The following ABCD2 variants were observed in gnomAD, a reference collection of about 807,000 sequenced individuals.
The protein encoded by ABCD2 is ATP binding cassette subfamily D member 2.
A neutral mutation model predicts 70.9 loss-of-function variants in ABCD2; 36 were observed. The ratio of observed to expected loss-of-function variants is 0.51; its 90% CI spans 0.39 to 0.67. The LOEUF (loss-of-function observed/expected upper bound fraction) is 0.67. ABCD2 is among the 30% of genes least tolerant of loss of function. ABCD2 has a pLI of 0.00. For synonymous variants in ABCD2, 304 were observed against 306.9 expected (o/e 0.99, Z 0.10); for missense variants, 729 against 890.2 (o/e 0.82, Z 2.30).
chr12:39,557,244 C>T (rs780413911), intron 9 of ABCD2, among the ~76,000 whole-genome samples: 6 of 152,148 alleles, frequency 3.9e-5, no homozygotes, highest in Non-Finnish European at 8.8e-5. Flanking sequence ...TTAGCAGAGA[C>T]TGGTGGCATT....
At chr12:39,570,197 A>C (rs889642345) in intron 9 of ABCD2, among the ~76,000 whole-genome samples, 7 of 152,248 alleles carry the variant, frequency 4.6e-5, no homozygotes, top group African/African-American at 1.7e-4. Context: ...ATCCCTATGG[A>C]AATGCCAATG....
At chr12:39,532,880 C>A in the ABCD2 span, among the ~76,000 whole-genome samples, 2 of 152,118 alleles carry the variant, frequency 1.3e-5, no homozygotes, top group East Asian at 3.9e-4. Flanking sequence ...AGAAAAAGTG[C>A]CAGATGCAGT....
intron 9 of ABCD2, 63 bp from the exon 10 acceptor site, chr12:39,554,194 G>T: frequency 6.7e-7 from 1 of 1,488,772 alleles, no homozygotes; most frequent in Non-Finnish European, 9.0e-7. Context: ...TTAGTTGTAG[G>T]TTTATCATTC....
chr12:39,537,120 T>C, the ABCD2 span, among the ~76,000 whole-genome samples: 1 of 152,028 alleles, frequency 6.6e-6, no homozygotes, highest in Non-Finnish European at 1.5e-5. Context: ...TCTTAGGAGA[T>C]TGTCCAAATT....
chr12:39,603,311 T>C (rs979882142), intron 5 of ABCD2, among the ~76,000 whole-genome samples: 1 of 152,124 alleles, frequency 6.6e-6, no homozygotes, highest in Non-Finnish European at 1.5e-5. Flanking sequence ...AAAACATGTG[T>C]TTGAATTTTA....
At chr12:39,610,788 T>TA (rs758006342) in intron 2 of ABCD2, among the ~76,000 whole-genome samples, 11 of 152,326 alleles carry the variant, frequency 7.2e-5, no homozygotes, top group Non-Finnish European at 1.6e-4. Flanking sequence ...GATCAGATTT[T>TA]ATGTGGCTTT....
At position 39,619,391 on chromosome 12, in the gene ABCD2, T is replaced by G. The variant is rs1195787886; in HGVS notation, c.225A>C (p.Lys75Asn). ...AATCTGCATTCACTCCAGGCGAAGG[T>G]TTTTCACAAATGGTCTCGGTGCAAT... ...ILHCTETICE[K>N]PSPGVNADFF... is the part of the protein sequence containing the mutation. Residue 75 changes from lysine (K) to asparagine (N), a missense_variant, in exon 1 of 10, where the codon AAA becomes AAC. This residue lies in a region of ABCD2 where 245 missense variants were observed against 261.2 expected (regional missense o/e 0.94). Transcript: ENST00000308666. The G allele has an allele frequency of 1.2e-6, 2 of 1,613,962 alleles. No homozygotes were observed. Among genetic ancestry groups the G allele is most frequent in the South Asian group, 2.2e-5 (2 of 91,062 alleles).
At chr12:39,599,624 G>C (rs998610993) in intron 6 of ABCD2, among the ~76,000 whole-genome samples, 15 of 151,994 alleles carry the variant, frequency 9.9e-5, no homozygotes, top group African/African-American at 3.4e-4. Flanking sequence ...TTACTTTAAA[G>C]AAAAAAACCC....
intron 9 of ABCD2, among the ~76,000 whole-genome samples, chr12:39,565,430 T>A (rs1189699675): frequency 6.6e-6 from 1 of 152,200 alleles, no homozygotes; most frequent in Non-Finnish European, 1.5e-5. Flanking sequence ...GCTCTCTGTT[T>A]GTCTGTTATT....
At chr12:39,562,835 A>T (rs1248526372) in intron 9 of ABCD2, among the ~76,000 whole-genome samples, 1 of 152,154 alleles carries the variant, frequency 6.6e-6, no homozygotes, top group African/African-American at 2.4e-5. Context: ...CTGATACTGA[A>T]ACCAAACAAA....
intron 9 of ABCD2, among the ~76,000 whole-genome samples, chr12:39,557,585 A>C (rs759050234): frequency 2.0e-5 from 3 of 152,126 alleles, no homozygotes; most frequent in Non-Finnish European, 2.9e-5. Flanking sequence ...TCTCCAAGGC[A>C]TGTAAGTGGT....
chr12:39,534,800 AAGAAAGAAAAG>A, the ABCD2 span, among the ~76,000 whole-genome samples: 3 of 147,668 alleles, frequency 2.0e-5, no homozygotes, highest in African/African-American at 2.6e-5. Context: ...GAAAGAAAGA[AAGAAAGAAAAG>A]AAAGGAAGGA....
chr12:39,571,061 A>G (rs1179690945), intron 9 of ABCD2, among the ~76,000 whole-genome samples: 3 of 152,186 alleles, frequency 2.0e-5, no homozygotes, highest in African/African-American at 4.8e-5. Flanking sequence ...GGCTATTAAG[A>G]AAATGACAGA....
intron 9 of ABCD2, among the ~76,000 whole-genome samples, chr12:39,560,601 G>C (rs1431177419): frequency 6.6e-6 from 1 of 151,852 alleles, no homozygotes; most frequent in Admixed American, 6.6e-5. Context: ...TAAAGGTTGT[G>C]TTTTTTTGCA....
intron 1 of ABCD2, 60 bp from the exon 2 acceptor site, chr12:39,617,228 T>G: frequency 8.9e-7 from 1 of 1,124,570 alleles, no homozygotes; most frequent in South Asian, 2.5e-5. Context: ...TTATTCTTTT[T>G]TTTTTTTAGT....
rs1194017716 is a variant in ABCD2 at position 39,550,729 on chromosome 12, C to T, written c.*3183G>A. The T allele has an allele frequency of 6.6e-6, 1 of 151,704 alleles. No homozygotes were observed. The highest frequency in any genetic ancestry group is 1.5e-5 in the Non-Finnish European group (1 of 67,684). The allele number at this position is 151,704 out of a possible 1,614,324, so 9.4% of individuals were successfully genotyped here. On this transcript the variant is annotated 3_prime_UTR_variant, in exon 10 of 10. Coordinates refer to ENST00000308666, the MANE Select transcript of ABCD2 (RefSeq NM_005164.4). The stretch of plus-strand genomic sequence containing the variant: ...AGTACTTTTCACTTCTAAATGAGGA[C>T]AATTTTGCCCATAAAGTAATTATAT...
chr12:39,583,235 A>G (rs189092463), intron 7 of ABCD2, among the ~76,000 whole-genome samples: 95 of 152,266 alleles, frequency 6.2e-4, no homozygotes, highest in African/African-American at 2.2e-3. Context: ...TTCACAAAAA[A>G]CTTATAAGGT....
intron 6 of ABCD2, among the ~76,000 whole-genome samples, chr12:39,600,177 T>C (rs551066472): frequency 7.2e-5 from 11 of 152,170 alleles, no homozygotes; most frequent in African/African-American, 2.4e-4. Flanking sequence ...AATGAACAAT[T>C]TTAGAATATA....
chr12:39,619,301 C>T lies in ABCD2; in HGVS notation c.315G>A (p.Gly105=). ...GAGCCACTGAGTGCAGGCAGAGCCACCCTGTTTCAGTGGTCACAAGTTTTG... is the reference window on the plus strand; with the variant it reads ...GAGCCACTGAGTGCAGGCAGAGCCATCCTGTTTCAGTGGTCACAAGTTTTG... ...LFPKLVTTET[G]WLCLHSVALI... is the part of the protein sequence containing the mutation. The change falls in exon 1 of 10, where the codon GGG becomes GGA. Residue 105 remains glycine (G), a synonymous_variant. Transcript: ENST00000308666. 1 of 1,614,108 alleles carries T rather than the reference C, an allele frequency of 6.2e-7. No homozygotes were observed. Among genetic ancestry groups the T allele is most frequent in the Non-Finnish European group, 8.5e-7 (1 of 1,180,038 alleles).
Sources: gnomAD v4.1 joint callset for allele counts (sites outside exome capture counted in the v4.1 genomes callset) on GRCh38, gnomAD v4.1.1 for gene constraint, gnomAD v4.1.1 regional missense constraint, MANE v1.5 for transcripts, NCBI Gene and HGNC (gene_info 2026-07-23, HGNC 2026-07-21) for gene names.